ACSM1: variants seen among roughly 807,000 people sequenced by gnomAD.
ACSM1 encodes the protein acyl-coenzyme A synthetase ACSM1, mitochondrial.
Under a neutral mutation model 75.8 loss-of-function variants are expected in ACSM1, and 79 were observed. The observed-to-expected ratio is 1.04, with a 90% CI of 0.87 to 1.26. The LOEUF is 1.26. Ranked by LOEUF, ACSM1 falls within the 50% of genes most tolerant of loss-of-function variation. The pLI, the probability that ACSM1 is intolerant of heterozygous loss-of-function variation, is 0.00. For missense variants in ACSM1, 676 were observed against 720.1 expected, an observed-to-expected ratio of 0.94 and a Z score of 0.70; for synonymous variants, 279 against 265.8, an observed-to-expected ratio of 1.05 and a Z score of -0.48.
rs928756119 is a variant in ACSM1 at position 20,648,085 on chromosome 16, C to T, written c.993-7501G>A. The stretch of plus-strand genomic sequence containing the variant: ...ACTTTACTTCTCAAATTGTCTTTTT[C>T]TCAATCCTTTGACTCTGCCGGACTT... On this transcript the variant is annotated intron_variant, in intron 7 of 13. Transcript: ENST00000520010. The surrounding 1 kb of genome is among the most constrained non-coding windows in gnomAD (Gnocchi z 4.2). Among the ~76,000 whole-genome samples the T allele has an allele frequency of 1.3e-5, 2 of 152,186 alleles. No homozygotes were observed. The highest frequency in any genetic ancestry group is 6.5e-5 in the Admixed American group (1 of 15,278).
intron 7 of ACSM1, among the ~76,000 whole-genome samples, chr16:20,653,787 C>T (rs914947358): frequency 2.0e-5 from 3 of 152,214 alleles, no homozygotes; most frequent in Admixed American, 6.5e-5. Flanking sequence ...ATTCCATGCT[C>T]ATGAGTAGGA....
At chr16:20,671,440 G>GACAC (rs55913255) in intron 5 of ACSM1, 91 bp downstream of exon 5, 16,679 of 968,710 alleles carry the variant, frequency 0.017, 73 homozygotes, top group South Asian at 0.047. Flanking sequence ...CCTTTCCCAA[G>GACAC]ACACACACAC....
At chr16:20,682,210 A>G (rs765590407) in intron 4 of ACSM1, 46 bp downstream of exon 4, 5 of 1,583,832 alleles carry the variant, frequency 3.2e-6, no homozygotes, top group Non-Finnish European at 4.3e-6. Flanking sequence ...AAATTATCCC[A>G]CAACAACTGT....
At chr16:20,655,245 T>G (rs2018889253) in intron 7 of ACSM1, among the ~76,000 whole-genome samples, 3 of 95,382 alleles carry the variant, frequency 3.1e-5, no homozygotes, top group Admixed American at 1.5e-4. Context: ...CCAGGGCCTG[T>G]TGTGGGGTGG....
intron 7 of ACSM1, among the ~76,000 whole-genome samples, chr16:20,655,693 C>T (rs531501125): frequency 6.6e-6 from 1 of 152,230 alleles, no homozygotes; most frequent in Admixed American, 6.5e-5. Context: ...GATGGAGTCT[C>T]ACTCTGTCAC....
chr16:20,632,305 AG>A (rs2017399837), intron 10 of ACSM1, among the ~76,000 whole-genome samples: 2 of 152,222 alleles, frequency 1.3e-5, no homozygotes, highest in African/African-American at 4.8e-5. Flanking sequence ...TTTCTTTTGA[AG>A]AGATGACAAG....
intron 3 of ACSM1, among the ~76,000 whole-genome samples, chr16:20,683,707 C>CTT (rs201416828): frequency 0.089 from 9,666 of 108,168 alleles, 622 homozygotes; most frequent in African/African-American, 0.21. Context: ...TTCTTTCTCT[C>CTT]TCTCTCTCTC....
chr16:20,661,768 G>A (rs1462510052), intron 7 of ACSM1, 26 bp downstream of exon 7: 10 of 1,537,634 alleles, frequency 6.5e-6, no homozygotes, highest in Non-Finnish European at 9.0e-6. Flanking sequence ...ACCCAAAGAT[G>A]TTGTTACAAG....
At chr16:20,626,832 C>T (rs1257761467) in intron 11 of ACSM1, among the ~76,000 whole-genome samples, 1 of 151,822 alleles carries the variant, frequency 6.6e-6, no homozygotes, top group Non-Finnish European at 1.5e-5. Context: ...CTATGTTTGT[C>T]CTGTGACATT....
intron 8 of ACSM1, 77 bp from the exon 9 acceptor site, chr16:20,637,528 C>T: frequency 3.3e-6 from 4 of 1,218,942 alleles, no homozygotes; most frequent in Non-Finnish European, 4.9e-6. Context: ...TCATACACAG[C>T]ATCCTCTGCT....
intron 11 of ACSM1, 117 bp downstream of exon 11, chr16:20,627,072 G>T: frequency 7.5e-7 from 1 of 1,333,392 alleles, no homozygotes. Flanking sequence ...CCATAGACAC[G>T]GCTCTATTCA....
At chr16:20,628,843 G>A (rs1673067) in intron 10 of ACSM1, among the ~76,000 whole-genome samples, 44,515 of 152,006 alleles carry the variant, frequency 0.29, 7,965 homozygotes, top group African/African-American at 0.5. Context: ...TGCTTGCTCA[G>A]AGTCACTCAG....
chr16:20,627,869 C>CATACATATAT (rs1449856164), intron 10 of ACSM1, among the ~76,000 whole-genome samples: 1 of 77,538 alleles, frequency 1.3e-5, no homozygotes, highest in Non-Finnish European at 2.4e-5. Context: ...TGTATGTATA[C>CATACATATAT]ATATATATAT....
chr16:20,643,143 A>G (rs1052554870), intron 7 of ACSM1, among the ~76,000 whole-genome samples: 7 of 152,172 alleles, frequency 4.6e-5, no homozygotes, highest in African/African-American at 1.7e-4. Flanking sequence ...GTTCCAGGCA[A>G]ACCAATGTTC....
intron 1 of ACSM1, among the ~76,000 whole-genome samples, chr16:20,696,882 G>A (rs543670472): frequency 5.9e-5 from 9 of 152,322 alleles, no homozygotes; most frequent in African/African-American, 2.2e-4. Context: ...GTTTGTCTCT[G>A]TTGTCTAGCA....
intron 7 of ACSM1, among the ~76,000 whole-genome samples, chr16:20,656,975 A>T (rs2152248494): frequency 6.6e-6 from 1 of 152,222 alleles, no homozygotes; most frequent in Non-Finnish European, 1.5e-5. Flanking sequence ...ACTTTTGCAT[A>T]CATCCCAACC....
chr16:20,653,477 G>A (rs1306166690), intron 7 of ACSM1, among the ~76,000 whole-genome samples: 1 of 152,184 alleles, frequency 6.6e-6, no homozygotes, highest in African/African-American at 2.4e-5. Flanking sequence ...CCTGTTTGCA[G>A]ATGACATGAT....
intron 2 of ACSM1, among the ~76,000 whole-genome samples, chr16:20,686,132 A>G (rs1208566587): frequency 6.6e-6 from 1 of 152,204 alleles, no homozygotes; most frequent in East Asian, 1.9e-4. Context: ...CCTGTCACAT[A>G]GTAAATGCTC....
At chr16:20,633,155 C>G (rs1020185548) in intron 10 of ACSM1, among the ~76,000 whole-genome samples, 7 of 152,134 alleles carry the variant, frequency 4.6e-5, no homozygotes, top group African/African-American at 1.4e-4. Flanking sequence ...CCCGGAAGCT[C>G]TAGCCAAATC....
Sources: allele counts gnomAD v4.1 joint callset (sites outside exome capture counted in the v4.1 genomes callset), GRCh38; gene constraint gnomAD v4.1.1; non-coding constraint Gnocchi (gnomAD v3.1); transcripts MANE v1.5; gene names NCBI Gene and HGNC (gene_info 2026-07-23, HGNC 2026-07-21).